Variants in ESF1 observed in about 807,000 individuals in gnomAD.
ESF1 encodes the protein ESF1 homolog.
A neutral mutation model predicts 92.0 loss-of-function variants in ESF1; 58 were observed. The observed-to-expected ratio is 0.63, with a 90% CI of 0.51 to 0.78. The LOEUF (loss-of-function observed/expected upper bound fraction) is 0.78. Among genes scored for constraint, ESF1 ranks in the 30% least tolerant of loss-of-function variants. The pLI, the probability that ESF1 is intolerant of heterozygous loss-of-function variation, is 0.00. For missense variants in ESF1, 922 were observed against 989.1 expected (o/e 0.93, Z 0.91); for synonymous variants, 321 against 313.7 (o/e 1.02, Z -0.24).
chr20:13,761,251 C>T (rs915220553), intron 8 of ESF1, among the ~76,000 whole-genome samples: 2 of 151,894 alleles, frequency 1.3e-5, no homozygotes, highest in Non-Finnish European at 2.9e-5. Context: ...TGCGGAAGGC[C>T]GCAGGGTCCT....
chr20:13,768,600 A>G (rs908081147), intron 7 of ESF1, among the ~76,000 whole-genome samples: 20 of 151,446 alleles, frequency 1.3e-4, no homozygotes, highest in African/African-American at 4.8e-4. Flanking sequence ...GCAAAAAAAA[A>G]GAAAAGGGAG....
At chr20:13,738,002 G>A (rs2049986535) in intron 9 of ESF1, among the ~76,000 whole-genome samples, 1 of 152,164 alleles carries the variant, frequency 6.6e-6, no homozygotes, top group African/African-American at 2.4e-5. Flanking sequence ...GCCATGCCCT[G>A]AGGAACAGTG....
chr20:13,774,292 C>G (rs1979825801), intron 4 of ESF1, among the ~76,000 whole-genome samples: 1 of 84,846 alleles, frequency 1.2e-5, no homozygotes, highest in Non-Finnish European at 2.6e-5. Flanking sequence ...AAATTCCAAA[C>G]TTTTTGACTG....
chr20:13,733,971 A>G lies in ESF1; in HGVS notation c.1829-129T>C. On this transcript the variant is annotated intron_variant, in intron 9 of 13. Transcript: ENST00000617257. ...AGTAACAAAGATAACATGCAATGGT[A>G]AATATCTGTAATACCCCAATATCAT... The G allele has an allele frequency of 2.7e-6, 3 of 1,093,452 alleles. No individual in the cohort carries two copies. In the South Asian group the frequency reaches 6.1e-5, roughly 22 times the overall value. The allele number at this position is 1,093,452 out of a possible 1,614,324, so 67.7% of individuals were successfully genotyped here.
intron 12 of ESF1, 88 bp from the exon 13 acceptor site, chr20:13,717,602 T>G (rs1280575034): frequency 2.8e-6 from 4 of 1,447,672 alleles, no homozygotes; most frequent in Non-Finnish European, 3.8e-6. Flanking sequence ...ATATCTCTTC[T>G]AGAAAGGAAG....
intron 11 of ESF1, among the ~76,000 whole-genome samples, chr20:13,720,720 A>G (rs1349301834): frequency 1.3e-5 from 2 of 152,234 alleles, no homozygotes; most frequent in African/African-American, 4.8e-5. Flanking sequence ...CCATAAAAGT[A>G]TATGCATACA....
chr20:13,775,447 A>G (rs1979887441), intron 3 of ESF1, among the ~76,000 whole-genome samples, 177 bp from the exon 4 acceptor site: 1 of 152,224 alleles, frequency 6.6e-6, no homozygotes, highest in Non-Finnish European at 1.5e-5. Flanking sequence ...AAACAATAGT[A>G]AAACCATAAC....
intron 10 of ESF1, among the ~76,000 whole-genome samples, chr20:13,731,725 G>A (rs952062058): frequency 2.0e-5 from 3 of 152,072 alleles, no homozygotes; most frequent in South Asian, 2.1e-4. Context: ...TTTTGTGTTC[G>A]GTCTTAAGGG....
Position 13,782,685 on chromosome 20 carries a change from T to C in ESF1, c.456A>G (p.Ile152Met), listed in dbSNP as rs1477547662. The C allele has an allele frequency of 1.9e-6, 3 of 1,593,992 alleles. No homozygotes were observed. The East Asian group carries it at 6.7e-5, about 36-fold the overall frequency. The change falls in exon 2 of 14, where the codon ATA (isoleucine) becomes ATG (methionine). Residue 152 changes from isoleucine to methionine, a missense_variant. Transcript: ENST00000617257. ...TSCKFKIDSN[I>M]SPKKDSKEFT... The stretch of plus-strand genomic sequence containing the variant: ...ATTCTTTGCTATCCTTCTTCGGACT[T>C]ATGTTTGAATCTATCTTAAATTTAC...
intron 10 of ESF1, among the ~76,000 whole-genome samples, chr20:13,732,507 AAC>A (rs1600270808): frequency 6.6e-6 from 1 of 152,200 alleles, no homozygotes. Flanking sequence ...GCATTATAAG[AAC>A]ACACAGTATA....
chr20:13,730,809 T>C (rs1297124140), intron 10 of ESF1, among the ~76,000 whole-genome samples: 6 of 152,170 alleles, frequency 3.9e-5, no homozygotes, highest in East Asian at 1.9e-4. Context: ...AACTGCTTTA[T>C]AGATCTCAAC....
At chr20:13,762,653 C>T (rs748832707) in intron 8 of ESF1, among the ~76,000 whole-genome samples, 1 of 152,070 alleles carries the variant, frequency 6.6e-6, no homozygotes, top group African/African-American at 2.4e-5. Flanking sequence ...ATAATTCTAA[C>T]AGTAAGCCAC....
chr20:13,716,270 ACT>A (rs914233761), intron 13 of ESF1, among the ~76,000 whole-genome samples: 6 of 149,506 alleles, frequency 4.0e-5, no homozygotes, highest in African/African-American at 1.5e-4. Flanking sequence ...TGCTTAGGGG[ACT>A]CTGCAGCCAT....
At chr20:13,735,835 G>T (rs2049972118) in intron 9 of ESF1, among the ~76,000 whole-genome samples, 1 of 152,114 alleles carries the variant, frequency 6.6e-6, no homozygotes. Context: ...TGATGCTAAG[G>T]AGGGTTCTAT....
rs542343445 is a variant in ESF1, at chr20:13,780,091, T to C, written c.637+2413A>G. Among the ~76,000 whole-genome samples the C allele has an allele frequency of 7.3e-4, 111 of 152,286 alleles. 1 individual carries two copies. Among genetic ancestry groups the C allele is most frequent in the South Asian group, 1.7e-3 (8 of 4,820 alleles). ...TATGGAGCCGTGTAATCCTTATTTA[T>C]GAGTAATGCCTTTCCTAGACTGTGG... is the stretch of plus-strand genomic sequence containing the variant. On this transcript the variant is annotated intron_variant, in intron 2 of 13. Coordinates refer to ENST00000617257, the MANE Select transcript of ESF1 (RefSeq NM_001276380.2).
intron 9 of ESF1, among the ~76,000 whole-genome samples, chr20:13,753,738 T>G (rs1328909513): frequency 6.6e-6 from 1 of 152,156 alleles, no homozygotes; most frequent in African/African-American, 2.4e-5. Flanking sequence ...TACCCAAAGT[T>G]GCAATCCCAC....
chr20:13,759,271 C>T (rs1489989860), intron 9 of ESF1, among the ~76,000 whole-genome samples: 4 of 152,116 alleles, frequency 2.6e-5, no homozygotes, highest in Non-Finnish European at 5.9e-5. Context: ...CTATTCGCAG[C>T]AAGATTGAAA....
At chr20:13,759,084 C>CTA (rs1383360092) in intron 9 of ESF1, among the ~76,000 whole-genome samples, 1 of 152,160 alleles carries the variant, frequency 6.6e-6, no homozygotes, top group Non-Finnish European at 1.5e-5. Flanking sequence ...TTCAAAGTAT[C>CTA]TTATTGTACT....
intron 2 of ESF1, among the ~76,000 whole-genome samples, chr20:13,780,819 T>A (rs950469622): frequency 4.6e-5 from 7 of 152,144 alleles, no homozygotes; most frequent in Non-Finnish European, 1.0e-4. Flanking sequence ...ACAAAAAATT[T>A]TAATTAGTAA....
Sources: allele counts gnomAD v4.1 joint callset (sites outside exome capture counted in the v4.1 genomes callset), GRCh38; gene constraint gnomAD v4.1.1; transcripts MANE v1.5; gene names NCBI Gene and HGNC (gene_info 2026-07-23, HGNC 2026-07-21).